The following SYNE3 variants were observed in gnomAD, a reference collection of about 807,000 sequenced individuals.
SYNE3 encodes nesprin-3.
Under a neutral mutation model 111.2 loss-of-function variants are expected in SYNE3, and 100 were observed. That is an observed-to-expected ratio of 0.90 (90% CI 0.77 to 1.06). The LOEUF (loss-of-function observed/expected upper bound fraction) is 1.06. Among genes scored for constraint, SYNE3 ranks in the 50% least tolerant of loss-of-function variants. SYNE3 has a pLI of 0.00. For missense variants in SYNE3, 1,160 were observed against 1,240.3 expected (o/e 0.94, Z 0.97); for synonymous variants, 547 against 533.9 (o/e 1.02, Z -0.34).
At position 95,417,859 on chromosome 14, in the gene SYNE3, G is replaced by T; in HGVS notation, c.2895C>A (p.Leu965=). The T allele has an allele frequency of 1.2e-6, 2 of 1,614,242 alleles. No homozygotes were observed. The highest frequency in any genetic ancestry group is 2.2e-5 in the East Asian group (1 of 44,890). ...GTGGTGGGCCATTGTAGCGCAGCAT[G>T]AGCGTGAAGGAGCGGGCGAAGTTGT... The part of the protein sequence containing the change: ...LANNFARSFT[L]MLRYNGPPPT The change falls in exon 18 of 18, where the codon CTC becomes CTA. Residue 965 remains leucine, a synonymous_variant. Transcript: ENST00000682763.
At chr14:95,437,579 G>A (rs1233469038) in intron 14 of SYNE3, among the ~76,000 whole-genome samples, 2 of 152,224 alleles carry the variant, frequency 1.3e-5, no homozygotes, top group East Asian at 3.8e-4. Context: ...TTATCTTCCA[G>A]GAGAGGCTTC....
At position 95,439,952 on chromosome 14, in the gene SYNE3, C is replaced by T; in HGVS notation, c.2035G>A (p.Gly679Ser). Residue 679 changes from glycine (G) to serine (S), a missense_variant, in exon 12 of 18, where the codon GGC (glycine) becomes AGC (serine). Coordinates refer to ENST00000682763, the MANE Select transcript of SYNE3 (RefSeq NM_152592.6). Reference sequence around the variant, plus strand: ...TCTTGGGACTCGGCATCCCCCGGGCCCGCCTCTCCCCGGTGTGCCTCCAGC... The same window carrying T: ...TCTTGGGACTCGGCATCCCCCGGGCTCGCCTCTCCCCGGTGTGCCTCCAGC... The part of the protein sequence containing the change: ...QKLEAHRGEA[G>S]PGDAESQEAE... The T allele has an allele frequency of 6.2e-7, 1 of 1,614,030 alleles. No homozygotes were observed. Among genetic ancestry groups the T allele is most frequent in the Non-Finnish European group, 8.5e-7 (1 of 1,179,978 alleles).
At chr14:95,507,060 G>A (rs192048144) in intron 1 of SYNE3, among the ~76,000 whole-genome samples, 276 of 152,312 alleles carry the variant, frequency 1.8e-3, no homozygotes, top group Non-Finnish European at 3.2e-3. Context: ...CCAGCGAGGC[G>A]AGGAGCGCGG....
chr14:95,499,622 C>T (rs932345254), intron 1 of SYNE3, among the ~76,000 whole-genome samples: 1 of 152,128 alleles, frequency 6.6e-6, no homozygotes, highest in African/African-American at 2.4e-5. Context: ...GTCCTCCCAC[C>T]CACCGTTAAA....
At position 95,411,690 on chromosome 14, in the gene SYNE3, T is replaced by C. The variant is rs1350508288; in HGVS notation, c.*6136A>G. The C allele has an allele frequency of 6.7e-6, 1 of 149,620 alleles. No individual in the cohort carries two copies. The highest frequency in any genetic ancestry group is 2.4e-5 in the African/African-American group (1 of 41,330). The allele number at this position is 149,620 out of a possible 1,614,324, so 9.3% of individuals were successfully genotyped here. A position where few individuals can be genotyped will look rare whatever the true frequency, so the allele number is the denominator to read the frequency against. On this transcript the variant is annotated 3_prime_UTR_variant, in exon 18 of 18. Transcript: ENST00000682763. ...GACACAGAGGCTTCCTGGCAATCAC[T>C]GCAGACACCGGTGAAAAACACTCTG...
rs113570233 is a variant in SYNE3, at chr14:95,455,370, C to T, written c.1137+7G>A. Reference sequence around the variant, plus strand: ...CTGGGCTCCATGACTCGGCCAAGCACGCTTACCGAGTAGCGTCTCCAGTGT... The same window carrying T: ...CTGGGCTCCATGACTCGGCCAAGCATGCTTACCGAGTAGCGTCTCCAGTGT... On this transcript the variant is annotated splice_region_variant and intron_variant, in intron 6 of 17. Coordinates refer to ENST00000682763, the MANE Select transcript of SYNE3 (RefSeq NM_152592.6). 9,932 of 1,523,974 alleles carry T rather than the reference C, an allele frequency of 6.5e-3. 512 individuals carry two copies. In the African/African-American group the frequency reaches 0.11, roughly 17 times the overall value. The allele number at this position is 1,523,974 out of a possible 1,614,324, so 94.4% of individuals were successfully genotyped here.
chr14:95,438,215 C>G (rs894008375), intron 14 of SYNE3: 3 of 152,234 alleles, frequency 2.0e-5, no homozygotes, highest in African/African-American at 7.2e-5. Context: ...GTAGCTGGAA[C>G]TACAGGAGCA....
intron 1 of SYNE3, among the ~76,000 whole-genome samples, chr14:95,483,834 G>A (rs778432086): frequency 5.9e-5 from 9 of 152,322 alleles, no homozygotes; most frequent in Non-Finnish European, 1.0e-4. Context: ...CTGTCCACCA[G>A]CTAGGCATGG....
intron 16 of SYNE3, 66 bp from the exon 17 acceptor site, chr14:95,432,183 C>G: frequency 6.6e-7 from 1 of 1,522,164 alleles, no homozygotes; most frequent in Non-Finnish European, 9.0e-7. Context: ...AAACTTAAAT[C>G]CCAACAGAGC....
chr14:95,444,795 C>T (rs533853262), intron 9 of SYNE3, among the ~76,000 whole-genome samples, 167 bp from the exon 10 acceptor site: 4 of 152,286 alleles, frequency 2.6e-5, no homozygotes, highest in African/African-American at 4.8e-5. Flanking sequence ...AGTTGGGTGC[C>T]TCTCCTTAGG....
At chr14:95,433,865 G>A (rs1264038475) in intron 15 of SYNE3, among the ~76,000 whole-genome samples, 2 of 152,206 alleles carry the variant, frequency 1.3e-5, no homozygotes, top group Non-Finnish European at 2.9e-5. Flanking sequence ...GAGAGGTGGT[G>A]TGATGGGGCA....
intron 1 of SYNE3, chr14:95,516,108 G>A (rs1019779141): frequency 1.3e-5 from 2 of 152,314 alleles, no homozygotes; most frequent in African/African-American, 2.4e-5. Flanking sequence ...CTGAGCATTC[G>A]GGGTTGGACT....
At chr14:95,482,139 T>A (rs2139538150) in intron 1 of SYNE3, among the ~76,000 whole-genome samples, 1 of 152,290 alleles carries the variant, frequency 6.6e-6, no homozygotes, top group African/African-American at 2.4e-5. Flanking sequence ...CAGCAGTTTT[T>A]AAAATTCTCT....
rs545596139 is a variant in SYNE3 at position 95,418,943 on chromosome 14, C to T, written c.2728-917G>A. ...CCCTCTTTCCTTCCCTCTTCTCCCT[C>T]TCTTCCTCCTCCTCCTTTTATTTCA... On this transcript the variant is annotated intron_variant, in intron 17 of 17. Coordinates refer to ENST00000682763, the MANE Select transcript of SYNE3 (RefSeq NM_152592.6). Among the ~76,000 whole-genome samples the T allele has an allele frequency of 4.1e-4, 63 of 152,286 alleles. 1 individual carries two copies. Among genetic ancestry groups the T allele is most frequent in the Non-Finnish European group, 4.4e-5 (3 of 68,014 alleles).
Position 95,417,388 on chromosome 14 carries a change from T to G in SYNE3, c.*438A>C. 4.2e-6 allele frequency: 1 copy of G among 237,706 alleles called. No homozygotes were observed. The highest frequency in any genetic ancestry group is 8.5e-6 in the Non-Finnish European group (1 of 118,228). 14.7% of individuals were successfully genotyped at this position (237,706 alleles called of 1,614,324 possible). ...TGCAGCTCAGAGGCCTTTCATTACA[T>G]CTGAATTCTGGGATTCGCTTTGGAG... On this transcript the variant is annotated 3_prime_UTR_variant, in exon 18 of 18. Transcript: ENST00000682763.
In SYNE3 at chr14:95,470,547, A is replaced by G. The variant is rs56360254; in HGVS notation, c.145-2580T>C. On this transcript the variant is annotated intron_variant, in intron 2 of 17. Coordinates refer to ENST00000682763, the MANE Select transcript of SYNE3 (RefSeq NM_152592.6). This position sits in a 1 kb window ranked among gnomAD's most constrained non-coding sequence, Gnocchi z 4.2. ...ATGCCTGTAGTCCTAGTTACTCAAG[A>G]GGCTGAGGCAGGAAGATTGCTTGAG... 0.31 allele frequency among the ~76,000 whole-genome samples: 46,276 copies of G among 151,622 alleles called. 7,416 individuals are homozygous for G. Among genetic ancestry groups the G allele is most frequent in the African/African-American group, 0.35 (14,398 of 41,296 alleles).
In SYNE3 at chr14:95,411,516, A is replaced by G. The variant is rs1347341712; in HGVS notation, c.*6310T>C. On this transcript the variant is annotated 3_prime_UTR_variant, in exon 18 of 18. Transcript: ENST00000682763. ...GAGTGGGAAAGGTTGGTGATCAACT[A>G]TTTTGATGTCTGTCTTGGAAGCAGC... 1 of 152,162 alleles carries G rather than the reference A, an allele frequency of 6.6e-6. No homozygotes were observed. Among genetic ancestry groups the G allele is most frequent in the African/African-American group, 2.4e-5 (1 of 41,410 alleles). The allele number at this position is 152,162 out of a possible 1,614,324, so 9.4% of individuals were successfully genotyped here.
chr14:95,419,557 C>T (rs1215999402), intron 17 of SYNE3, among the ~76,000 whole-genome samples: 1 of 151,884 alleles, frequency 6.6e-6, no homozygotes, highest in Non-Finnish European at 1.5e-5. Context: ...CTGCTGGCTC[C>T]CTAAAGAACC....
intron 3 of SYNE3, 25 bp from the exon 4 acceptor site, chr14:95,466,265 T>C: frequency 1.3e-6 from 2 of 1,534,924 alleles, no homozygotes; most frequent in Middle Eastern, 1.7e-4. Context: ...ACCTCAAGGT[T>C]GTGAGGGAAC....
Sources: allele counts gnomAD v4.1 joint callset (sites outside exome capture counted in the v4.1 genomes callset), GRCh38; gene constraint gnomAD v4.1.1; non-coding constraint Gnocchi (gnomAD v3.1); transcripts MANE v1.5; gene names NCBI Gene and HGNC (gene_info 2026-07-23, HGNC 2026-07-21).